The following GALNTL6 variants were observed in gnomAD, a reference collection of about 807,000 sequenced individuals.
GALNTL6 encodes polypeptide N-acetylgalactosaminyltransferase like 6.
GALNTL6 carries 46 observed loss-of-function variants against 73.7 expected under a neutral mutation model. The ratio of observed to expected loss-of-function variants is 0.62; its 90% confidence interval spans 0.49 to 0.80. GALNTL6 has a LOEUF of 0.80. GALNTL6 is among the 30% of genes least tolerant of loss of function. GALNTL6 has a pLI of 0.00. For missense variants in GALNTL6, 604 were observed against 755.0 expected, an observed-to-expected ratio of 0.80 and a Z score of 2.34; for synonymous variants, 259 against 263.7, an observed-to-expected ratio of 0.98 and a Z score of 0.17.
chr4:172,318,962 C>A (rs1740665647), intron 4 of GALNTL6, among the ~76,000 whole-genome samples: 1 of 151,984 alleles, frequency 6.6e-6, no homozygotes, highest in Non-Finnish European at 1.5e-5. Context: ...ATAATTTTGA[C>A]CTTTAAAGAA....
At chr4:172,306,514 T>C (rs546269828) in intron 3 of GALNTL6, among the ~76,000 whole-genome samples, 8 of 152,256 alleles carry the variant, frequency 5.3e-5, no homozygotes, top group Non-Finnish European at 1.2e-4. Flanking sequence ...GGTGTTTGTT[T>C]ACATGGATAA....
intron 5 of GALNTL6, among the ~76,000 whole-genome samples, chr4:172,794,581 T>C (rs1740165425): frequency 6.6e-6 from 1 of 152,202 alleles, no homozygotes; most frequent in Admixed American, 6.5e-5. Context: ...TTTTTCCAGT[T>C]TAGCTTTCAA....
intron 2 of GALNTL6, among the ~76,000 whole-genome samples, chr4:171,990,951 C>G (rs1217043024): frequency 6.6e-6 from 1 of 152,088 alleles, no homozygotes. Flanking sequence ...GAAAATAAAA[C>G]AGGAGATATG....
chr4:172,487,351 T>TCTTTCTTTCC lies in GALNTL6; in HGVS notation c.553+138662_553+138663insCTTTCTTTCC, dbSNP rs1733727239. On this transcript the variant is annotated intron_variant, in intron 5 of 12. Coordinates refer to ENST00000506823, the MANE Select transcript of GALNTL6 (RefSeq NM_001034845.3). ...CTTTCTTTCTTTCTTTCTTTCTTTC[T>TCTTTCTTTCC]TTCTTTCCTTCTTTCCTTCTTTTCT... Among the ~76,000 whole-genome samples, 6 of 104,490 alleles carry TCTTTCTTTCC rather than the reference T, an allele frequency of 5.7e-5. 2 individuals carry two copies. The highest frequency in any genetic ancestry group is 2.1e-4 in the African/African-American group (6 of 28,188). The allele number at this position is 104,490 out of a possible 152,430, so 68.5% of individuals were successfully genotyped here. A position where few individuals can be genotyped will look rare whatever the true frequency, so the allele number is the denominator to read the frequency against.
At chr4:172,484,954 G>A (rs1050255815) in intron 5 of GALNTL6, among the ~76,000 whole-genome samples, 2 of 151,964 alleles carry the variant, frequency 1.3e-5, no homozygotes, top group East Asian at 1.9e-4. Flanking sequence ...AAATTAACTC[G>A]TGTTACTTTA....
intron 10 of GALNTL6, among the ~76,000 whole-genome samples, chr4:172,987,388 G>A (rs1671987943): frequency 6.6e-6 from 1 of 152,100 alleles, no homozygotes; most frequent in South Asian, 2.1e-4. Flanking sequence ...ACTATCATGA[G>A]AAGACTGTGA....
intron 8 of GALNTL6, among the ~76,000 whole-genome samples, chr4:172,905,894 T>C (rs1746865433): frequency 1.3e-5 from 2 of 149,394 alleles, no homozygotes; most frequent in South Asian, 4.2e-4. Flanking sequence ...ACTGGAATCT[T>C]ACCCCCAACC....
intron 2 of GALNTL6, among the ~76,000 whole-genome samples, chr4:172,134,371 C>T (rs980310960): frequency 1.1e-4 from 15 of 142,400 alleles, no homozygotes; most frequent in Admixed American, 6.6e-4. Context: ...GGCAACAGAG[C>T]GAGACTCCTC....
At chr4:172,476,142 TA>T (rs1252811543) in intron 5 of GALNTL6, among the ~76,000 whole-genome samples, 3 of 152,186 alleles carry the variant, frequency 2.0e-5, no homozygotes, top group Non-Finnish European at 4.4e-5. Context: ...CAAAATATCA[TA>T]AACTGGGTAA....
chr4:172,841,544 GACTA>G (rs1743206341), intron 7 of GALNTL6, among the ~76,000 whole-genome samples: 2 of 152,254 alleles, frequency 1.3e-5, no homozygotes, highest in African/African-American at 4.8e-5. Flanking sequence ...AAGTTTAATT[GACTA>G]ACTGTTCCAC....
chr4:172,372,161 C>T (rs1742837717), intron 5 of GALNTL6, among the ~76,000 whole-genome samples: 1 of 152,160 alleles, frequency 6.6e-6, no homozygotes, highest in Non-Finnish European at 1.5e-5. Context: ...AATGAGCTTC[C>T]ATCGGTATAT....
chr4:172,724,585 C>A (rs1198668728), intron 5 of GALNTL6, among the ~76,000 whole-genome samples: 3 of 152,164 alleles, frequency 2.0e-5, no homozygotes, highest in Admixed American at 6.5e-5. Flanking sequence ...CCTCTGCAGT[C>A]TGAGATTGCT....
rs34495647 is a variant in GALNTL6, at chr4:172,069,488, C to CATATATGTTATATATATGACACAT, written c.139-160164_139-160163insATGTTATATATATGACACATATAT. ...TATAACATATATGTTATATATAACA[C>CATATATGTTATATATATGACACAT]ATATGTTATATGTATAACACATATA... On this transcript the variant is annotated intron_variant, in intron 2 of 12. Coordinates refer to ENST00000506823, the MANE Select transcript of GALNTL6 (RefSeq NM_001034845.3). 1.0e-4 allele frequency among the ~76,000 whole-genome samples: 7 copies of CATATATGTTATATATATGACACAT among 69,206 alleles called. 2 individuals are homozygous for CATATATGTTATATATATGACACAT. The highest frequency in any genetic ancestry group is 3.4e-4 in the Admixed American group (2 of 5,964). The allele number at this position is 69,206 out of a possible 152,430, so 45.4% of individuals were successfully genotyped here.
At chr4:172,156,394 TA>T (rs1216491426) in intron 2 of GALNTL6, among the ~76,000 whole-genome samples, 1 of 151,760 alleles carries the variant, frequency 6.6e-6, no homozygotes, top group Non-Finnish European at 1.5e-5. Context: ...ACTATCTTTT[TA>T]AAATTTTATG....
intron 2 of GALNTL6, among the ~76,000 whole-genome samples, chr4:172,185,275 A>C (rs1005395903): frequency 6.6e-6 from 1 of 152,200 alleles, no homozygotes; most frequent in African/African-American, 2.4e-5. Flanking sequence ...ATAGAGGTTA[A>C]AGCTTTTTTA....
At position 172,982,501 on chromosome 4, in the gene GALNTL6, A is replaced by G. The variant is rs184208488; in HGVS notation, c.1372-26677A>G. 3.0e-3 allele frequency among the ~76,000 whole-genome samples: 463 copies of G among 152,372 alleles called. 3 individuals are homozygous for G. The highest frequency in any genetic ancestry group is 0.011 in the African/African-American group (442 of 41,582). On this transcript the variant is annotated intron_variant, in intron 10 of 12. Transcript: ENST00000506823. ...TGACATGTTAGCCAGCAGCCAGTCT[A>G]TACATAAGACAATGGTCCTCATGAC... is the stretch of plus-strand genomic sequence containing the variant.
intron 4 of GALNTL6, among the ~76,000 whole-genome samples, chr4:172,333,012 G>T (rs1194715684): frequency 6.6e-6 from 1 of 152,112 alleles, no homozygotes; most frequent in Admixed American, 6.5e-5. Flanking sequence ...GGGGTAAGTT[G>T]TTACCTCATT....
intron 5 of GALNTL6, among the ~76,000 whole-genome samples, chr4:172,584,831 A>T (rs542657984): frequency 5.6e-4 from 86 of 152,298 alleles, no homozygotes; most frequent in Middle Eastern, 3.4e-3. Context: ...TTGAGATTTG[A>T]ATCACGTCAT....
At chr4:172,839,900 G>T (rs1205380092) in intron 7 of GALNTL6, among the ~76,000 whole-genome samples, 3 of 152,180 alleles carry the variant, frequency 2.0e-5, no homozygotes, top group African/African-American at 7.2e-5. Flanking sequence ...GTGAACATAT[G>T]CAATTTTTCA....
Sources: gnomAD v4.1 joint callset for allele counts (sites outside exome capture counted in the v4.1 genomes callset) on GRCh38, gnomAD v4.1.1 for gene constraint, MANE v1.5 for transcripts, NCBI Gene and HGNC (gene_info 2026-07-23, HGNC 2026-07-21) for gene names.